The following SPMIP1 variants were observed in gnomAD, a reference collection of about 807,000 sequenced individuals.
SPMIP1 encodes the protein protein SPMIP1.
At chr7:128,868,594 C>A in the SPMIP1 span, 1 of 941,402 alleles carries the variant, frequency 1.1e-6, no homozygotes, top group Non-Finnish European at 1.6e-6. Context: ...GCTGTGCAGA[C>A]AGACAGGGCT....
chr7:128,871,873 T>G, the SPMIP1 span: 1 of 152,238 alleles, frequency 6.6e-6, no homozygotes, highest in South Asian at 2.1e-4. Context: ...CTAGAAAATT[T>G]ATTTCTCTGG....
chr7:128,866,440 C>T, the SPMIP1 span: 18 of 1,533,968 alleles, frequency 1.2e-5, no homozygotes, highest in Admixed American at 1.2e-4. Flanking sequence ...AGACGCGTTA[C>T]GGCAGAACTT....
chr7:128,866,776 G>A, the SPMIP1 span: 1 of 1,535,992 alleles, frequency 6.5e-7, no homozygotes, highest in African/African-American at 1.4e-5. Context: ...GGACATGCCA[G>A]AGACGCGATA....
chr7:128,867,448 A>T, the SPMIP1 span, among the ~76,000 whole-genome samples: 1 of 152,102 alleles, frequency 6.6e-6, no homozygotes, highest in African/African-American at 2.4e-5. Context: ...AACAGGTCCT[A>T]TTTAGCCATG....
At chr7:128,867,833 G>A in the SPMIP1 span, among the ~76,000 whole-genome samples, 1 of 152,202 alleles carries the variant, frequency 6.6e-6, no homozygotes, top group Non-Finnish European at 1.5e-5. Context: ...GCCTCCCAAA[G>A]TTCTGGGATT....
At chr7:128,866,662 C>T in the SPMIP1 span, 1 of 1,369,598 alleles carries the variant, frequency 7.3e-7, no homozygotes, top group Non-Finnish European at 9.5e-7. Flanking sequence ...GGCGCCTTTT[C>T]AGTCGGAAAT....
the SPMIP1 span, chr7:128,870,151 G>C: frequency 1.4e-4 from 21 of 152,386 alleles, no homozygotes; most frequent in East Asian, 2.9e-3. Flanking sequence ...TTCTCCGGAG[G>C]TTTGGGCTCT....
At chr7:128,866,392 A>G in the SPMIP1 span, 1 of 1,501,986 alleles carries the variant, frequency 6.7e-7, no homozygotes, top group Middle Eastern at 1.7e-4. Flanking sequence ...CCCTGGTGCC[A>G]CTCCTTCCCT....
the SPMIP1 span, among the ~76,000 whole-genome samples, chr7:128,868,071 T>TAGAG: frequency 6.6e-6 from 1 of 152,100 alleles, no homozygotes; most frequent in African/African-American, 2.4e-5. Context: ...GTGGAGTAAC[T>TAGAG]AGAGATGAAG....
the SPMIP1 span, chr7:128,866,704 C>T: frequency 1.3e-6 from 2 of 1,535,942 alleles, no homozygotes; most frequent in Admixed American, 2.0e-5. Context: ...CCGAGCCCTG[C>T]TGTATGAAGG....
chr7:128,868,569 T>C, the SPMIP1 span: 1 of 679,768 alleles, frequency 1.5e-6, no homozygotes, highest in Non-Finnish European at 2.4e-6. Flanking sequence ...GCTACTCCAC[T>C]GACGGATTCC....
the SPMIP1 span, chr7:128,868,600 G>GAC: frequency 9.9e-7 from 1 of 1,005,694 alleles, no homozygotes; most frequent in South Asian, 1.5e-5. Context: ...CAGACAGACA[G>GAC]GGCTCCCATG....
chr7:128,867,033 C>T, the SPMIP1 span, among the ~76,000 whole-genome samples: 2 of 152,178 alleles, frequency 1.3e-5, no homozygotes, highest in African/African-American at 4.8e-5. Flanking sequence ...TCAGGAAAGG[C>T]CTTTCTGAGG....
At chr7:128,866,591 C>T in the SPMIP1 span, 3 of 1,532,558 alleles carry the variant, frequency 2.0e-6, no homozygotes, top group Non-Finnish European at 1.7e-6. Flanking sequence ...CCCAAAGCCC[C>T]ACTCTCACCC....
At chr7:128,866,433 C>T in the SPMIP1 span, 52 of 1,531,264 alleles carry the variant, frequency 3.4e-5, no homozygotes, top group Non-Finnish European at 3.8e-5. Context: ...TCAACATAGA[C>T]GCGTTACGGC....
At chr7:128,870,738 A>G in the SPMIP1 span, 1 of 152,196 alleles carries the variant, frequency 6.6e-6, no homozygotes, top group Non-Finnish European at 1.5e-5. Flanking sequence ...AGGTCCTGGA[A>G]AGGAAAAGCA....
At chr7:128,868,077 T>C in the SPMIP1 span, among the ~76,000 whole-genome samples, 1 of 152,070 alleles carries the variant, frequency 6.6e-6, no homozygotes, top group Non-Finnish European at 1.5e-5. Context: ...TAACTAGAGA[T>C]GAAGAGGAAA....
At chr7:128,869,188 C>G in the SPMIP1 span, 1 of 308,430 alleles carries the variant, frequency 3.2e-6, no homozygotes, top group South Asian at 1.6e-4. Context: ...CGCAGCCGCT[C>G]CGTCCTCTCC....
chr7:128,870,548 C>G, the SPMIP1 span: 1 of 152,242 alleles, frequency 6.6e-6, no homozygotes, highest in East Asian at 1.9e-4. Context: ...GGTGTCCATC[C>G]TTGGTGGTCT....
Sources: allele counts gnomAD v4.1 joint callset (sites outside exome capture counted in the v4.1 genomes callset), GRCh38; gene constraint gnomAD v4.1.1; transcripts MANE v1.5; gene names NCBI Gene and HGNC (gene_info 2026-07-23, HGNC 2026-07-21).